IMPG2: variants seen among roughly 807,000 people sequenced by gnomAD.
The protein encoded by IMPG2 is interphotoreceptor matrix proteoglycan 2, also known as IPM 200.
Under a neutral mutation model 129.2 loss-of-function variants are expected in IMPG2, and 91 were observed. That is an observed-to-expected ratio of 0.70 (90% confidence interval 0.59 to 0.84). The LOEUF is 0.84. Among genes scored for constraint, IMPG2 ranks in the 40% least tolerant of loss-of-function variants. The pLI, the probability that IMPG2 is intolerant of heterozygous loss-of-function variation, is 0.00. For synonymous variants in IMPG2, 510 were observed against 517.7 expected, an observed-to-expected ratio of 0.99 and a Z score of 0.20; for missense variants, 1,430 against 1,461.7, an observed-to-expected ratio of 0.98 and a Z score of 0.35.
chr3:101,312,109 A>C (rs961293685), intron 2 of IMPG2, among the ~76,000 whole-genome samples: 15 of 152,126 alleles, frequency 9.9e-5, no homozygotes, highest in African/African-American at 3.1e-4. Flanking sequence ...TACAGGAATA[A>C]ATCTTTATGA....
At chr3:101,302,212 C>A (rs1387194948) in intron 3 of IMPG2, among the ~76,000 whole-genome samples, 2 of 152,172 alleles carry the variant, frequency 1.3e-5, no homozygotes, top group African/African-American at 4.8e-5. Context: ...ATTTTCTATG[C>A]CTTCAAATAT....
chr3:101,230,897 A>G, intron 16 of IMPG2, 60 bp downstream of exon 16: 1 of 1,485,302 alleles, frequency 6.7e-7, no homozygotes, highest in South Asian at 1.1e-5. Context: ...CCTGGTAAGT[A>G]CTAAATAAAT....
intron 2 of IMPG2, among the ~76,000 whole-genome samples, chr3:101,308,751 C>T (rs575293905): frequency 1.2e-3 from 181 of 152,356 alleles, no homozygotes; most frequent in African/African-American, 4.0e-3. Flanking sequence ...TGAATTTCTT[C>T]TCAGAAAATG....
chr3:101,250,223 C>CT (rs1706529081), intron 11 of IMPG2, among the ~76,000 whole-genome samples: 1 of 152,148 alleles, frequency 6.6e-6, no homozygotes, highest in Non-Finnish European at 1.5e-5. Flanking sequence ...ATATTTCTGC[C>CT]TAGAGGGTCT....
chr3:101,256,220 A>T (rs1435172076), intron 10 of IMPG2, among the ~76,000 whole-genome samples: 2 of 150,406 alleles, frequency 1.3e-5, no homozygotes, highest in African/African-American at 4.9e-5. Context: ...AAAGAAAGAA[A>T]AAAATATCTT....
intron 2 of IMPG2, among the ~76,000 whole-genome samples, chr3:101,316,001 C>T (rs924188442): frequency 1.3e-5 from 2 of 151,902 alleles, no homozygotes; most frequent in African/African-American, 4.8e-5. Flanking sequence ...TGATTTTCAA[C>T]AAAGGTGCAA....
At position 101,265,761 on chromosome 3, in the gene IMPG2, G is replaced by A. The variant is rs114310615; in HGVS notation, c.908+1750C>T. 4.9e-3 allele frequency among the ~76,000 whole-genome samples: 740 copies of A among 152,174 alleles called. 4 individuals are homozygous for A. Among genetic ancestry groups the A allele is most frequent in the African/African-American group, 0.017 (710 of 41,544 alleles). On this transcript the variant is annotated intron_variant, in intron 9 of 18. Coordinates refer to ENST00000193391, the MANE Select transcript of IMPG2 (RefSeq NM_016247.4). Reference sequence around the variant, plus strand: ...AGGAAACAATCAACAGAGTGAAAAGGTAACCCGCAGTACGATAGAAAATAT... The same window carrying A: ...AGGAAACAATCAACAGAGTGAAAAGATAACCCGCAGTACGATAGAAAATAT...
At chr3:101,275,146 A>T (rs1221417339) in intron 6 of IMPG2, among the ~76,000 whole-genome samples, 1 of 151,640 alleles carries the variant, frequency 6.6e-6, no homozygotes, top group Non-Finnish European at 1.5e-5. Context: ...ATGTTTCTAT[A>T]TTCCTGGGCG....
Position 101,243,568 on chromosome 3 carries a change from G to A in IMPG2, c.2763C>T (p.Ser921=), listed in dbSNP as rs2107219065. The part of the protein sequence containing the change: ...MFSEDLFNKN[S]LEYKALEQRF... ...TTTGCTCCAGGGCTTTATACTCCAA[G>A]GAGTTTTTATTAAACAGATCTTCTG... Residue 921 remains serine (S), a synonymous_variant, in exon 13 of 19, where the codon TCC becomes TCT. Coordinates refer to ENST00000193391, the MANE Select transcript of IMPG2 (RefSeq NM_016247.4). 1 of 1,613,750 alleles carries A rather than the reference G, an allele frequency of 6.2e-7. No individual in the cohort carries two copies. The highest frequency in any genetic ancestry group is 8.5e-7 in the Non-Finnish European group (1 of 1,179,910).
chr3:101,241,282 G>A (rs1706404010), intron 14 of IMPG2, among the ~76,000 whole-genome samples: 1 of 152,212 alleles, frequency 6.6e-6, no homozygotes, highest in South Asian at 2.1e-4. Context: ...GTGAGTCAAT[G>A]AAAAGTCCTG....
At chr3:101,303,709 C>A (rs1043386794) in intron 3 of IMPG2, among the ~76,000 whole-genome samples, 1 of 152,174 alleles carries the variant, frequency 6.6e-6, no homozygotes, top group African/African-American at 2.4e-5. Flanking sequence ...ACCTATGCCT[C>A]ACTAAACATT....
At chr3:101,242,467 A>C (rs1269487693) in intron 14 of IMPG2, among the ~76,000 whole-genome samples, 4 of 152,226 alleles carry the variant, frequency 2.6e-5, no homozygotes, top group Non-Finnish European at 5.9e-5. Context: ...AATGGAGGTG[A>C]AATAATAAAG....
intron 3 of IMPG2, among the ~76,000 whole-genome samples, chr3:101,295,829 T>C (rs1258788097): frequency 6.6e-6 from 1 of 152,228 alleles, no homozygotes; most frequent in Non-Finnish European, 1.5e-5. Flanking sequence ...GTAGCAATTG[T>C]GAATGGGAGT....
Position 101,295,271 on chromosome 3 carries a change from G to A in IMPG2, c.502-3761C>T, listed in dbSNP as rs571329254. Among the ~76,000 whole-genome samples the A allele has an allele frequency of 9.2e-5, 14 of 152,292 alleles. No individual in the cohort carries two copies. The East Asian group carries it at 2.7e-3, about 29-fold the overall frequency. On this transcript the variant is annotated intron_variant, in intron 3 of 18. Coordinates refer to ENST00000193391, the MANE Select transcript of IMPG2 (RefSeq NM_016247.4). ...TAATTTTTGTATAAGGTGTAAGGAA[G>A]GGGTCCAATTTCAGTTTTCTGCATA...
chr3:101,250,368 T>C (rs1463129298), intron 11 of IMPG2, among the ~76,000 whole-genome samples: 2 of 152,216 alleles, frequency 1.3e-5, no homozygotes, highest in Admixed American at 6.5e-5. Context: ...GTCTTGCTCA[T>C]GTGCTTTATG....
At chr3:101,256,879 A>G (rs1706616387) in intron 10 of IMPG2, among the ~76,000 whole-genome samples, 1 of 152,122 alleles carries the variant, frequency 6.6e-6, no homozygotes. Context: ...CTGATGAGTT[A>G]AGATGCTGCA....
At chr3:101,288,346 A>C (rs1385569739) in intron 4 of IMPG2, among the ~76,000 whole-genome samples, 1 of 152,200 alleles carries the variant, frequency 6.6e-6, no homozygotes, top group Non-Finnish European at 1.5e-5. Context: ...CTTAAAACAG[A>C]GCTACCATTC....
At chr3:101,268,741 T>G (rs771633163) in intron 8 of IMPG2, among the ~76,000 whole-genome samples, 2 of 152,150 alleles carry the variant, frequency 1.3e-5, no homozygotes, top group African/African-American at 2.4e-5. Flanking sequence ...ACATCTAAAC[T>G]TGGGCTAGAG....
Position 101,244,394 on chromosome 3 carries a change from T to C in IMPG2, c.1937A>G (p.Asp646Gly). The change falls in exon 13 of 19, where the codon GAC (aspartate) becomes GGC (glycine). Residue 646 changes from aspartate (D) to glycine (G), a missense_variant. By Grantham distance (94) the Asp-to-Gly change is moderately conservative (BLOSUM62 -1). Transcript: ENST00000193391. ...DDSLLPAEIE[D>G]KKLVLVDKMD... is the part of the protein sequence containing the mutation. ...TTTGTCAACTAAAACTAGTTTCTTG[T>C]CTTCAATCTCAGCTGGCAAAAGTGA... 6.2e-7 allele frequency: 1 copy of C among 1,614,160 alleles called. No homozygotes were observed. Among genetic ancestry groups the C allele is most frequent in the Non-Finnish European group, 8.5e-7 (1 of 1,180,014 alleles).
Sources: allele counts gnomAD v4.1 joint callset (sites outside exome capture counted in the v4.1 genomes callset), GRCh38; gene constraint gnomAD v4.1.1; transcripts MANE v1.5; gene names NCBI Gene and HGNC (gene_info 2026-07-23, HGNC 2026-07-21).